Variants in ZC3H12B observed in about 807,000 individuals in gnomAD.
ZC3H12B encodes the protein probable ribonuclease ZC3H12B.
Under a neutral mutation model 43.9 loss-of-function variants are expected in ZC3H12B, and 7 were observed. The ratio of observed to expected loss-of-function variants is 0.16; its 90% CI spans 0.09 to 0.30. ZC3H12B has a LOEUF of 0.30. Ranked by LOEUF, ZC3H12B falls within the 10% of genes least tolerant of loss-of-function variation. The probability of loss-of-function intolerance (pLI) is 1.00; values close to 1 mark genes in which losing one functional copy is unlikely to be tolerated. For synonymous variants in ZC3H12B, 222 were observed against 241.7 expected (o/e 0.92, Z 0.76); for missense variants, 475 against 670.2 (o/e 0.71, Z 3.22).
chrX:65,296,115 C>T, the ZC3H12B span, among the ~76,000 whole-genome samples: 60 of 111,821 alleles, frequency 5.4e-4, no homozygotes, highest in Non-Finnish European at 1.0e-3. Flanking sequence ...AACTCTATTG[C>T]CCATCAGTCA....
At chrX:65,320,210 C>A in the ZC3H12B span, among the ~76,000 whole-genome samples, 7 of 111,637 alleles carry the variant, frequency 6.3e-5, no homozygotes, top group Non-Finnish European at 1.1e-4. Context: ...TCTCAGGATA[C>A]AAAGATCAGT....
chrX:65,429,982 T>C (rs2067134423), intron 3 of ZC3H12B, among the ~76,000 whole-genome samples: 1 of 112,053 alleles, frequency 8.9e-6, no homozygotes, highest in Non-Finnish European at 1.9e-5. Flanking sequence ...CCAGTTGCCA[T>C]TGGCTGGCTG....
At chrX:65,097,114 T>C in the ZC3H12B span, among the ~76,000 whole-genome samples, 1 of 112,287 alleles carries the variant, frequency 8.9e-6, no homozygotes, top group East Asian at 2.8e-4. Flanking sequence ...GGTTTGTTCC[T>C]AGATACATTT....
At chrX:65,462,491 A>T (rs908046738) in intron 3 of ZC3H12B, among the ~76,000 whole-genome samples, 33 of 111,875 alleles carry the variant, frequency 2.9e-4, no homozygotes, top group African/African-American at 1.0e-3. Context: ...ACAAAGCAAG[A>T]CGCCGTCTCA....
At chrX:65,168,544 G>T in the ZC3H12B span, among the ~76,000 whole-genome samples, 1 of 110,022 alleles carries the variant, frequency 9.1e-6, no homozygotes, top group African/African-American at 3.3e-5. Flanking sequence ...TCAGGATGAT[G>T]TGGGCCACAT....
intron 2 of ZC3H12B, among the ~76,000 whole-genome samples, chrX:65,395,955 G>T (rs754966815): frequency 5.4e-5 from 6 of 111,375 alleles, no homozygotes; most frequent in Middle Eastern, 4.6e-3. Context: ...TTTCTTCTAG[G>T]TTTCCTAGTT....
At chrX:65,056,783 G>T in the ZC3H12B span, among the ~76,000 whole-genome samples, 3 of 111,722 alleles carry the variant, frequency 2.7e-5, no homozygotes, top group East Asian at 8.4e-4. Context: ...CCTGTATTGG[G>T]TGCATATATA....
chrX:65,382,474 T>A (rs2066457149), intron 2 of ZC3H12B, among the ~76,000 whole-genome samples: 1 of 111,445 alleles, frequency 9.0e-6, no homozygotes, highest in East Asian at 2.8e-4. Context: ...GAGCTATTTA[T>A]GACAAACCCA....
At chrX:65,357,461 G>A in the ZC3H12B span, 11 of 132,800 alleles carry the variant, frequency 8.3e-5, no homozygotes, top group East Asian at 2.0e-3. Context: ...CTGGCAGCTC[G>A]GCTATGGCAG....
chrX:65,055,840 A>G, the ZC3H12B span, among the ~76,000 whole-genome samples: 2 of 111,547 alleles, frequency 1.8e-5, no homozygotes, highest in East Asian at 5.6e-4. Context: ...CCAGGAATTC[A>G]TTCATTTCTT....
chrX:65,231,872 C>T, the ZC3H12B span, among the ~76,000 whole-genome samples: 5 of 111,399 alleles, frequency 4.5e-5, no homozygotes, highest in East Asian at 2.8e-4. Flanking sequence ...GTACAGTTAA[C>T]GCAATCATCA....
the ZC3H12B span, chrX:65,328,556 G>T: frequency 5.5e-6 from 1 of 180,519 alleles, no homozygotes. Flanking sequence ...GTCTTTATTT[G>T]TCTTTTTTTT....
chrX:65,342,315 A>G, the ZC3H12B span, among the ~76,000 whole-genome samples: 1 of 111,836 alleles, frequency 8.9e-6, no homozygotes, highest in African/African-American at 3.3e-5. Context: ...GCTGATAGAC[A>G]TCTACAGAAC....
At chrX:65,169,727 G>A in the ZC3H12B span, among the ~76,000 whole-genome samples, 1 of 111,975 alleles carries the variant, frequency 8.9e-6, no homozygotes, top group Non-Finnish European at 1.9e-5. Flanking sequence ...CCTGTATTGG[G>A]TGCATATATA....
At chrX:65,246,836 A>G in the ZC3H12B span, among the ~76,000 whole-genome samples, 1 of 112,451 alleles carries the variant, frequency 8.9e-6, no homozygotes, top group Non-Finnish European at 1.9e-5. Context: ...CATTCAGGAC[A>G]TAGACACCGG....
chrX:65,475,150 T>A (rs892149554), intron 3 of ZC3H12B, among the ~76,000 whole-genome samples: 2 of 112,460 alleles, frequency 1.8e-5, no homozygotes, highest in African/African-American at 6.5e-5. Context: ...ATCTGCTTTT[T>A]TATATTTTGT....
At chrX:65,170,841 G>T in the ZC3H12B span, among the ~76,000 whole-genome samples, 6 of 111,919 alleles carry the variant, frequency 5.4e-5, no homozygotes, top group African/African-American at 1.9e-4. Context: ...ACTGAAGCTT[G>T]TGCATGCGTC....
intron 2 of ZC3H12B, among the ~76,000 whole-genome samples, chrX:65,387,630 G>A (rs777229812): frequency 2.8e-4 from 31 of 111,816 alleles, no homozygotes; most frequent in African/African-American, 9.8e-4. Flanking sequence ...GGAGCATTTA[G>A]TCCATTTACA....
intron 3 of ZC3H12B, among the ~76,000 whole-genome samples, chrX:65,425,269 C>T (rs889923374): frequency 3.8e-4 from 42 of 110,148 alleles, no homozygotes; most frequent in Non-Finnish European, 7.4e-4. Flanking sequence ...TCTCTGCTTG[C>T]CTGTTGTTGA....
Sources: allele counts gnomAD v4.1 joint callset (sites outside exome capture counted in the v4.1 genomes callset), GRCh38; gene constraint gnomAD v4.1.1; transcripts MANE v1.5; gene names NCBI Gene and HGNC (gene_info 2026-07-23, HGNC 2026-07-21).